ZNF521: variants seen among roughly 807,000 people sequenced by gnomAD.
ZNF521 encodes LYST-interacting protein 3.
A neutral mutation model predicts 105.5 loss-of-function variants in ZNF521; 14 were observed. The observed-to-expected ratio is 0.13, with a 90% CI of 0.09 to 0.21. The LOEUF (loss-of-function observed/expected upper bound fraction) is 0.21. Ranked by LOEUF, ZNF521 falls within the 10% of genes least tolerant of loss-of-function variation. The probability of loss-of-function intolerance (pLI) is 1.00; values close to 1 mark genes in which losing one functional copy is unlikely to be tolerated. For synonymous variants in ZNF521, 635 were observed against 606.0 expected, an observed-to-expected ratio of 1.05 and a Z score of -0.70; for missense variants, 1,233 against 1,629.7, an observed-to-expected ratio of 0.76 and a Z score of 4.19.
chr18:25,350,768 G>C, intron 2 of ZNF521, 139 bp downstream of exon 2: 1 of 797,014 alleles, frequency 1.3e-6, no homozygotes, highest in Non-Finnish European at 1.9e-6. Context: ...GGGCTCAGCG[G>C]GGAGGGGAGC....
At chr18:25,066,971 T>C (rs1304464139) in intron 7 of ZNF521, among the ~76,000 whole-genome samples, 1 of 152,178 alleles carries the variant, frequency 6.6e-6, no homozygotes, top group Non-Finnish European at 1.5e-5. Context: ...GAAGGGAAAG[T>C]GTTTTACATA....
chr18:25,275,691 G>C lies in ZNF521; in HGVS notation c.220+46317C>G, dbSNP rs1484613544. Among the ~76,000 whole-genome samples the C allele has an allele frequency of 3.9e-5, 6 of 152,096 alleles. No individual in the cohort carries two copies. The East Asian group carries it at 9.7e-4, about 25-fold the overall frequency. On this transcript the variant is annotated intron_variant, in intron 3 of 7. Coordinates refer to ENST00000361524, the MANE Select transcript of ZNF521 (RefSeq NM_015461.3). ...AGCCAAGGTTTAGTGTTCTGCACTG[G>C]GGCCAATGGGCTTTCCTGCCAAACA...
chr18:25,338,414 T>G (rs961201407), intron 2 of ZNF521, among the ~76,000 whole-genome samples: 2 of 149,318 alleles, frequency 1.3e-5, no homozygotes, highest in Non-Finnish European at 3.0e-5. Flanking sequence ...TTTTTCTACA[T>G]TTTTTTTTTA....
chr18:25,144,433 T>C (rs2034906303), intron 5 of ZNF521, among the ~76,000 whole-genome samples: 1 of 152,172 alleles, frequency 6.6e-6, no homozygotes, highest in Non-Finnish European at 1.5e-5. Context: ...GCTGGGAGAT[T>C]TGATGAATCT....
intron 3 of ZNF521, among the ~76,000 whole-genome samples, chr18:25,253,420 T>C (rs761833231): frequency 3.9e-4 from 59 of 151,750 alleles, no homozygotes; most frequent in African/African-American, 7.7e-4. Context: ...GGGGAAACAA[T>C]TGGGAGTTTA....
intron 7 of ZNF521, among the ~76,000 whole-genome samples, chr18:25,067,561 T>C (rs1172058990): frequency 6.6e-6 from 1 of 152,188 alleles, no homozygotes; most frequent in Non-Finnish European, 1.5e-5. Flanking sequence ...CTATTTAAAA[T>C]GCAATCCAAG....
intron 4 of ZNF521, among the ~76,000 whole-genome samples, chr18:25,211,212 G>A (rs1367222243): frequency 6.6e-6 from 1 of 152,028 alleles, no homozygotes; most frequent in Non-Finnish European, 1.5e-5. Flanking sequence ...GCCTTTTGTG[G>A]GTTAGAATAT....
chr18:25,308,237 C>T (rs568466148), intron 3 of ZNF521, among the ~76,000 whole-genome samples: 1 of 151,126 alleles, frequency 6.6e-6, no homozygotes, highest in South Asian at 2.1e-4. Context: ...TACCCCAGCC[C>T]CATCCAGGCC....
intron 5 of ZNF521, among the ~76,000 whole-genome samples, chr18:25,146,858 C>G (rs1401364187): frequency 6.6e-6 from 1 of 151,820 alleles, no homozygotes; most frequent in African/African-American, 2.4e-5. Flanking sequence ...TGTGATAAAC[C>G]CTTTATACCT....
chr18:25,211,756 G>A (rs912071631), intron 4 of ZNF521, among the ~76,000 whole-genome samples: 6 of 151,996 alleles, frequency 3.9e-5, no homozygotes, highest in Non-Finnish European at 8.8e-5. Context: ...TTTTATTTGT[G>A]ATTTATATTG....
intron 5 of ZNF521, among the ~76,000 whole-genome samples, chr18:25,121,775 T>A (rs1281425207): frequency 6.6e-6 from 1 of 151,946 alleles, no homozygotes; most frequent in East Asian, 1.9e-4. Context: ...CTGCAACTCC[T>A]CCCCCCAAAT....
intron 3 of ZNF521, among the ~76,000 whole-genome samples, chr18:25,313,458 G>T (rs1402170386): frequency 1.3e-5 from 2 of 150,332 alleles, no homozygotes; most frequent in Admixed American, 1.3e-4. Flanking sequence ...GGAAAGGGGA[G>T]GGGGAGAAAC....
intron 3 of ZNF521, among the ~76,000 whole-genome samples, chr18:25,280,556 C>T (rs1910300857): frequency 1.3e-5 from 2 of 152,084 alleles, no homozygotes; most frequent in African/African-American, 4.8e-5. Flanking sequence ...ACAAGTCAGA[C>T]CTAGAACTAC....
chr18:25,309,039 G>A (rs1286776622), intron 3 of ZNF521, among the ~76,000 whole-genome samples: 1 of 152,178 alleles, frequency 6.6e-6, no homozygotes, highest in Admixed American at 6.5e-5. Flanking sequence ...GTGACCATTA[G>A]CAAAACTTAA....
intron 5 of ZNF521, among the ~76,000 whole-genome samples, chr18:25,157,813 C>G (rs2035175435): frequency 6.6e-6 from 1 of 151,852 alleles, no homozygotes; most frequent in African/African-American, 2.4e-5. Context: ...TGCAATGGTG[C>G]TGTGTTGGCT....
chr18:25,241,779 AT>A (rs1180976848), intron 3 of ZNF521, among the ~76,000 whole-genome samples: 1 of 152,226 alleles, frequency 6.6e-6, no homozygotes, highest in East Asian at 1.9e-4. Flanking sequence ...TAAAAACAAA[AT>A]TGAAAGAAAA....
intron 5 of ZNF521, among the ~76,000 whole-genome samples, chr18:25,125,759 A>G (rs1304144133): frequency 6.6e-6 from 1 of 151,124 alleles, no homozygotes; most frequent in Non-Finnish European, 1.5e-5. Flanking sequence ...GCAGAAAGGT[A>G]TGATTTGGTT....
chr18:25,175,660 A>G (rs1249863160), intron 5 of ZNF521, among the ~76,000 whole-genome samples: 6 of 152,202 alleles, frequency 3.9e-5, no homozygotes, highest in Non-Finnish European at 7.3e-5. Context: ...ACTTGTTCAC[A>G]TGTCACTTTT....
At chr18:25,346,225 T>C (rs923537297) in intron 2 of ZNF521, among the ~76,000 whole-genome samples, 22 of 152,070 alleles carry the variant, frequency 1.4e-4, no homozygotes, top group Non-Finnish European at 2.9e-5. Context: ...ACTCAATCTT[T>C]ACTGATGAGG....
Sources: allele counts gnomAD v4.1 joint callset (sites outside exome capture counted in the v4.1 genomes callset), GRCh38; gene constraint gnomAD v4.1.1; transcripts MANE v1.5; gene names NCBI Gene and HGNC (gene_info 2026-07-23, HGNC 2026-07-21).